Variants in MYRFL observed in about 807,000 individuals in gnomAD.
MYRFL encodes the protein myelin regulatory factor-like protein.
Under a neutral mutation model 109.4 loss-of-function variants are expected in MYRFL, and 88 were observed. The observed-to-expected ratio is 0.80, with a 90% CI of 0.68 to 0.96. The LOEUF is 0.96. Among genes scored for constraint, MYRFL ranks in the 40% least tolerant of loss-of-function variants. MYRFL has a pLI of 0.00. For missense variants in MYRFL, 957 were observed against 954.9 expected (o/e 1.00, Z -0.03); for synonymous variants, 324 against 320.9 (o/e 1.01, Z -0.10).
intron 13 of MYRFL, among the ~76,000 whole-genome samples, chr12:69,919,548 T>A (rs759896614): frequency 8.5e-5 from 13 of 152,198 alleles, no homozygotes; most frequent in Non-Finnish European, 1.8e-4. Context: ...AAAAGCCACC[T>A]GGAAGTCTGA....
chr12:69,837,116 T>C (rs1295462645), intron 1 of MYRFL, among the ~76,000 whole-genome samples: 1 of 152,166 alleles, frequency 6.6e-6, no homozygotes, highest in Admixed American at 6.5e-5. Context: ...GGCAAGACCC[T>C]GTGTTTTCAT....
intron 2 of MYRFL, among the ~76,000 whole-genome samples, chr12:69,866,331 C>T (rs1254397210): frequency 1.3e-5 from 2 of 151,884 alleles, no homozygotes; most frequent in Non-Finnish European, 2.9e-5. Context: ...AGTGGAACTG[C>T]AATAAAATCT....
chr12:69,922,407 TAGG>T (rs1246501931), intron 13 of MYRFL, among the ~76,000 whole-genome samples: 1 of 152,166 alleles, frequency 6.6e-6, no homozygotes, highest in Admixed American at 6.6e-5. Flanking sequence ...GGGCTTTTGT[TAGG>T]AGATTTTTGT....
intron 13 of MYRFL, among the ~76,000 whole-genome samples, chr12:69,922,330 G>A (rs968301153): frequency 2.0e-5 from 3 of 152,028 alleles, no homozygotes; most frequent in Non-Finnish European, 4.4e-5. Context: ...CATAATTTCT[G>A]CCTTATTTTT....
intron 11 of MYRFL, among the ~76,000 whole-genome samples, chr12:69,909,765 G>C (rs1032396133): frequency 2.0e-5 from 3 of 152,264 alleles, no homozygotes; most frequent in East Asian, 3.9e-4. Flanking sequence ...GGGGTGATGT[G>C]GGGGAGGCAT....
chr12:69,884,389 C>G (rs1299006260), intron 5 of MYRFL, among the ~76,000 whole-genome samples: 1 of 152,160 alleles, frequency 6.6e-6, no homozygotes, highest in African/African-American at 2.4e-5. Context: ...TAGCCATCTC[C>G]CAGGGAAGCC....
At chr12:69,872,099 A>G (rs971491975) in intron 2 of MYRFL, among the ~76,000 whole-genome samples, 2 of 152,326 alleles carry the variant, frequency 1.3e-5, no homozygotes, top group South Asian at 2.1e-4. Flanking sequence ...CATGATTCCT[A>G]TGCCTTCCTA....
Position 69,879,372 on chromosome 12 carries a change from C to T in MYRFL, c.383C>T (p.Ala128Val). 1.4e-6 allele frequency: 1 copy of T among 702,928 alleles called. No individual in the cohort carries two copies. The highest frequency in any genetic ancestry group is 2.6e-6 in the Non-Finnish European group (1 of 384,848). The allele number at this position is 702,928 out of a possible 1,614,324, so 43.5% of individuals were successfully genotyped here. ...HSCHSNASHL[A>V]TPLDQSVSSH... ...TGCCACTCAAACGCCAGTCATCTTGCCACCCCCCTGGACCAATCCGTGTCC... is the reference window on the plus strand; with the variant it reads ...TGCCACTCAAACGCCAGTCATCTTGTCACCCCCCTGGACCAATCCGTGTCC... Residue 128 changes from alanine to valine, a missense_variant, in exon 4 of 25, where the codon GCC becomes GTC. Ala to Val is a moderately conservative substitution (Grantham distance 64). Coordinates refer to ENST00000552032, the MANE Select transcript of MYRFL (RefSeq NM_182530.3).
rs1229980329 is a variant in MYRFL at position 69,945,928 on chromosome 12, A to C, written c.2225-6185A>C. Among the ~76,000 whole-genome samples, 23 of 125,612 alleles carry C rather than the reference A, an allele frequency of 1.8e-4. 1 individual carries two copies. The South Asian group carries it at 6.3e-3, about 34-fold the overall frequency. The allele number at this position is 125,612 out of a possible 152,430, so 82.4% of individuals were successfully genotyped here. A position where few individuals can be genotyped will look rare whatever the true frequency, so the allele number is the denominator to read the frequency against. ...CGTGAACCCGGGAGGCGGAGCTTGC[A>C]GTGAGCCGAGATCCCGCCACTGCCC... On this transcript the variant is annotated intron_variant, in intron 19 of 24. Coordinates refer to ENST00000552032, the MANE Select transcript of MYRFL (RefSeq NM_182530.3).
intron 2 of MYRFL, among the ~76,000 whole-genome samples, chr12:69,863,647 A>G (rs1391530298): frequency 1.3e-5 from 2 of 152,238 alleles, no homozygotes; most frequent in Non-Finnish European, 2.9e-5. Context: ...AGACAATGCT[A>G]TAATCTTTGG....
chr12:69,876,922 T>C (rs559813855), intron 2 of MYRFL, among the ~76,000 whole-genome samples: 6 of 152,238 alleles, frequency 3.9e-5, no homozygotes, highest in Non-Finnish European at 7.4e-5. Flanking sequence ...ACCATTTCTC[T>C]AGAGAGTAAA....
At chr12:69,939,510 A>C in intron 19 of MYRFL, among the ~76,000 whole-genome samples, 1 of 152,152 alleles carries the variant, frequency 6.6e-6, no homozygotes, top group South Asian at 2.1e-4. Flanking sequence ...ACTAACAAAC[A>C]GAAAGGACAT....
intron 1 of MYRFL, among the ~76,000 whole-genome samples, chr12:69,843,291 CA>C (rs1269194401): frequency 6.6e-6 from 1 of 152,126 alleles, no homozygotes; most frequent in Non-Finnish European, 1.5e-5. Flanking sequence ...TGTTTAAATC[CA>C]GAAAGCAACC....
intron 5 of MYRFL, among the ~76,000 whole-genome samples, chr12:69,885,213 G>C (rs1489016790): frequency 6.6e-6 from 1 of 151,976 alleles, no homozygotes; most frequent in South Asian, 2.1e-4. Flanking sequence ...GGGAAAAAAA[G>C]TTTTTCAGTG....
intron 1 of MYRFL, among the ~76,000 whole-genome samples, chr12:69,827,620 ATTGT>A (rs1450173388): frequency 6.6e-6 from 1 of 152,110 alleles, no homozygotes; most frequent in African/African-American, 2.4e-5. Context: ...AGACGGGTGC[ATTGT>A]TTTATTTATA....
At chr12:69,839,107 C>T (rs1485735738) in intron 1 of MYRFL, among the ~76,000 whole-genome samples, 2 of 152,060 alleles carry the variant, frequency 1.3e-5, no homozygotes, top group Non-Finnish European at 2.9e-5. Context: ...AACGTAGATC[C>T]ATAATATTTT....
intron 2 of MYRFL, among the ~76,000 whole-genome samples, chr12:69,857,191 A>G (rs74101349): frequency 0.046 from 7,033 of 151,992 alleles, 548 homozygotes; most frequent in African/African-American, 0.16. Context: ...ATGTGGGTCT[A>G]TTTCTAGACT....
At chr12:69,854,843 A>C (rs1226409271) in intron 1 of MYRFL, among the ~76,000 whole-genome samples, 1 of 152,220 alleles carries the variant, frequency 6.6e-6, no homozygotes, top group Non-Finnish European at 1.5e-5. Context: ...TCAGTTGTAT[A>C]GCGTCATGTT....
intron 13 of MYRFL, among the ~76,000 whole-genome samples, chr12:69,915,971 A>G (rs1418012701): frequency 1.3e-5 from 2 of 152,082 alleles, no homozygotes; most frequent in African/African-American, 4.8e-5. Flanking sequence ...GAACCTGTTT[A>G]AAGGTGAGGT....
Sources: allele counts gnomAD v4.1 joint callset (sites outside exome capture counted in the v4.1 genomes callset), GRCh38; gene constraint gnomAD v4.1.1; transcripts MANE v1.5; gene names NCBI Gene and HGNC (gene_info 2026-07-23, HGNC 2026-07-21).